The following EHMT1 variants were observed in gnomAD, a reference collection of about 807,000 sequenced individuals.
EHMT1 encodes the protein histone-lysine N-methyltransferase EHMT1.
EHMT1 carries 15 observed loss-of-function variants against 147.2 expected under a neutral mutation model. The ratio of observed to expected loss-of-function variants is 0.10; its 90% CI spans 0.07 to 0.16. The LOEUF is 0.16. Ranked by LOEUF, EHMT1 falls within the 10% of genes least tolerant of loss-of-function variation. The pLI is 1.00. For synonymous variants in EHMT1, 795 were observed against 709.6 expected, an observed-to-expected ratio of 1.12 and a Z score of -1.91; for missense variants, 1,587 against 1,772.4, an observed-to-expected ratio of 0.90 and a Z score of 1.88.
rs542683918 is a variant in EHMT1 at position 137,805,803 on chromosome 9, C to T, written c.2712+4819C>T. 8.5e-5 allele frequency among the ~76,000 whole-genome samples: 13 copies of T among 152,084 alleles called. No homozygotes were observed. In the East Asian group the frequency reaches 1.2e-3, roughly 14 times the overall value. ...TCAGCCTCCTGAGTAGCTGGGATTA[C>T]AGGCACGAGCCACCACGCCTGGCTA... On this transcript the variant is annotated intron_variant, in intron 18 of 26. Transcript: ENST00000460843.
intron 1 of EHMT1, among the ~76,000 whole-genome samples, chr9:137,669,229 T>C (rs1289611179): frequency 6.6e-6 from 1 of 151,814 alleles, no homozygotes; most frequent in African/African-American, 2.4e-5. Context: ...TCGTCTTCCC[T>C]CTCGCACCCT....
intron 2 of EHMT1, among the ~76,000 whole-genome samples, chr9:137,714,990 C>G (rs973216546): frequency 2.5e-4 from 38 of 152,006 alleles, no homozygotes; most frequent in African/African-American, 9.2e-4. Context: ...GTAGTTTTCC[C>G]TACTTCTGTG....
At chr9:137,814,359 G>A (rs565972843) in intron 21 of EHMT1, 72 bp from the exon 22 acceptor site, 17 of 1,500,668 alleles carry the variant, frequency 1.1e-5, no homozygotes, top group Middle Eastern at 1.7e-4. Context: ...ACTGGAAGAC[G>A]TAGTTGTGAC....
In EHMT1 at chr9:137,705,303, T is replaced by G. The variant is rs552993529; in HGVS notation, c.22-5664T>G. On this transcript the variant is annotated intron_variant, in intron 1 of 26. Coordinates refer to ENST00000460843, the MANE Select transcript of EHMT1 (RefSeq NM_024757.5). ...CCACTACACCGGCCTGGGAATTCCT[T>G]TAACTTGCGTTTGAAAGTTGGACAT... Among the ~76,000 whole-genome samples, 13 of 152,346 alleles carry G rather than the reference T, an allele frequency of 8.5e-5. No individual in the cohort carries two copies. In the South Asian group the frequency reaches 2.5e-3, roughly 29 times the overall value.
At chr9:137,811,404 C>T in intron 18 of EHMT1, 57 bp from the exon 19 acceptor site, 1 of 1,607,480 alleles carries the variant, frequency 6.2e-7, no homozygotes, top group East Asian at 2.2e-5. Flanking sequence ...GTGGCCCAGC[C>T]CCAGCACTGT....
chr9:137,820,261 C>T (rs1955298587), intron 25 of EHMT1: 1 of 152,270 alleles, frequency 6.6e-6, no homozygotes, highest in Non-Finnish European at 1.5e-5. Flanking sequence ...TGCAGTGGGG[C>T]TGAGCTCTCA....
intron 6 of EHMT1, among the ~76,000 whole-genome samples, chr9:137,748,885 C>T (rs2136136928): frequency 6.6e-6 from 1 of 152,262 alleles, no homozygotes; most frequent in African/African-American, 2.4e-5. Flanking sequence ...CTGCATGTGG[C>T]CTGCCTTTTC....
At chr9:137,623,069 C>T (rs965459939) in intron 1 of EHMT1, among the ~76,000 whole-genome samples, 42 of 150,932 alleles carry the variant, frequency 2.8e-4, no homozygotes, top group Non-Finnish European at 4.9e-4. Context: ...GAAAATTAGC[C>T]GGGTGTGGTG....
chr9:137,739,311 G>A (rs932724965), intron 4 of EHMT1, among the ~76,000 whole-genome samples: 38 of 149,460 alleles, frequency 2.5e-4, no homozygotes, highest in African/African-American at 8.2e-4. Flanking sequence ...AGCGGAGATC[G>A]CACCAATGCA....
chr9:137,749,925 C>G (rs997240785), intron 6 of EHMT1, among the ~76,000 whole-genome samples: 1 of 152,222 alleles, frequency 6.6e-6, no homozygotes, highest in African/African-American at 2.4e-5. Flanking sequence ...TTTCGATGGT[C>G]AGTCGTGAAG....
intron 10 of EHMT1, among the ~76,000 whole-genome samples, chr9:137,769,402 T>A (rs570738487): frequency 6.6e-6 from 1 of 152,362 alleles, no homozygotes; most frequent in Admixed American, 6.5e-5. Context: ...CAATAACTCT[T>A]TTTTTGGTAG....
Position 137,800,987 on chromosome 9 carries a change from A to G in EHMT1, c.2712+3A>G. On this transcript the variant is annotated splice_donor_region_variant and intron_variant, in intron 18 of 26. Transcript: ENST00000460843. Reference sequence around the variant, plus strand: ...CTGACATCAACATCCGAGACAACGTAAGTTCGTCACACCCTCCCCGGGAGC... The same window carrying G: ...CTGACATCAACATCCGAGACAACGTGAGTTCGTCACACCCTCCCCGGGAGC... 1 of 1,613,814 alleles carries G rather than the reference A, an allele frequency of 6.2e-7. No individual in the cohort carries two copies. Among genetic ancestry groups the G allele is most frequent in the East Asian group, 2.2e-5 (1 of 44,860 alleles).
intron 8 of EHMT1, among the ~76,000 whole-genome samples, chr9:137,757,120 C>T (rs1485172297): frequency 6.6e-6 from 1 of 152,232 alleles, no homozygotes; most frequent in Non-Finnish European, 1.5e-5. Flanking sequence ...CTTGTGATTA[C>T]AAACACCCAA....
chr9:137,700,372 A>G (rs1030355253), intron 1 of EHMT1, among the ~76,000 whole-genome samples: 5 of 152,148 alleles, frequency 3.3e-5, no homozygotes, highest in African/African-American at 1.2e-4. Flanking sequence ...TTTTGTGTCT[A>G]TCTGAACCCA....
chr9:137,800,749 G>A, intron 17 of EHMT1, 131 bp from the exon 18 acceptor site: 1 of 738,866 alleles, frequency 1.4e-6, no homozygotes, highest in South Asian at 1.6e-5. Context: ...GTTGCATTCA[G>A]GTCCTGAGTG....
intron 6 of EHMT1, among the ~76,000 whole-genome samples, chr9:137,744,677 C>T (rs546479745): frequency 4.1e-4 from 63 of 152,366 alleles, no homozygotes; most frequent in African/African-American, 1.5e-3. Context: ...GCTTGAAGTG[C>T]TGATTGGCGG....
intron 14 of EHMT1, among the ~76,000 whole-genome samples, chr9:137,780,859 G>A (rs1458952449): frequency 7.1e-5 from 7 of 98,414 alleles, no homozygotes; most frequent in South Asian, 1.0e-3. Flanking sequence ...ACGCCGAGAC[G>A]TGTGGTGATG....
At chr9:137,704,331 T>C (rs1391752583) in intron 1 of EHMT1, among the ~76,000 whole-genome samples, 2 of 152,142 alleles carry the variant, frequency 1.3e-5, no homozygotes, top group Non-Finnish European at 2.9e-5. Flanking sequence ...AGCTCGGGAC[T>C]TGGAGGGAAG....
At chr9:137,643,856 G>T (rs1393360706) in intron 1 of EHMT1, among the ~76,000 whole-genome samples, 1 of 152,146 alleles carries the variant, frequency 6.6e-6, no homozygotes, top group African/African-American at 2.4e-5. Context: ...GATTTGTTGA[G>T]CTTCTTAATT....
Sources: gnomAD v4.1 joint callset for allele counts (sites outside exome capture counted in the v4.1 genomes callset) on GRCh38, gnomAD v4.1.1 for gene constraint, MANE v1.5 for transcripts, NCBI Gene and HGNC (gene_info 2026-07-23, HGNC 2026-07-21) for gene names.